The following KALRN variants were observed in gnomAD, a reference collection of about 807,000 sequenced individuals.
The protein encoded by KALRN is kalirin.
In KALRN, 70 loss-of-function variants were observed where a neutral mutation model predicts 353.7. That is an observed-to-expected ratio of 0.20 (90% confidence interval 0.16 to 0.24). The LOEUF is 0.24. Among genes scored for constraint, KALRN ranks in the 10% least tolerant of loss-of-function variants. KALRN has a pLI of 1.00. For missense variants in KALRN, 2,791 were observed against 3,756.7 expected, an observed-to-expected ratio of 0.74 and a Z score of 6.72; for synonymous variants, 1,391 against 1,434.8, an observed-to-expected ratio of 0.97 and a Z score of 0.69.
intron 33 of KALRN, among the ~76,000 whole-genome samples, chr3:124,497,478 C>T (rs1561143074): frequency 1.3e-5 from 2 of 152,066 alleles, no homozygotes; most frequent in Non-Finnish European, 2.9e-5. Context: ...CCATTGAGAC[C>T]TTAGTGTGGG....
intron 28 of KALRN, among the ~76,000 whole-genome samples, chr3:124,486,123 TGCTGTGGCTTTACAAA>T (rs756254190): frequency 3.3e-5 from 5 of 152,348 alleles, no homozygotes; most frequent in South Asian, 2.1e-4. Context: ...CATGTAAATC[TGCTGTGGCTTTACAAA>T]AGGATCCTAA....
intron 37 of KALRN, among the ~76,000 whole-genome samples, chr3:124,647,776 G>A (rs1026791123): frequency 6.6e-6 from 1 of 152,204 alleles, no homozygotes; most frequent in Non-Finnish European, 1.5e-5. Context: ...TGAAAGCCAT[G>A]CAGGGAGTAT....
intron 37 of KALRN, among the ~76,000 whole-genome samples, chr3:124,637,778 G>C (rs955341781): frequency 2.6e-5 from 4 of 152,196 alleles, no homozygotes; most frequent in African/African-American, 9.7e-5. Context: ...ATGGGCAAAA[G>C]TGTGTGGATA....
At chr3:124,716,529 A>G (rs374890589) in intron 58 of KALRN, among the ~76,000 whole-genome samples, 2 of 152,158 alleles carry the variant, frequency 1.3e-5, no homozygotes, top group African/African-American at 4.8e-5. Flanking sequence ...CTCAAAAACA[A>G]AACAAACAAA....
At chr3:124,446,011 T>C in intron 19 of KALRN, 150 bp from the exon 20 acceptor site, 1 of 558,502 alleles carries the variant, frequency 1.8e-6, no homozygotes, top group East Asian at 2.9e-5. Context: ...TATCCAGCTT[T>C]TGCTCCCTTT....
Position 124,644,067 on chromosome 3 carries a change from A to G in KALRN, c.5665-6741A>G, listed in dbSNP as rs142488445. Among the ~76,000 whole-genome samples the G allele has an allele frequency of 8.5e-5, 13 of 152,382 alleles. No individual in the cohort carries two copies. In the East Asian group the frequency reaches 2.5e-3, roughly 29 times the overall value. On this transcript the variant is annotated intron_variant, in intron 37 of 59. Transcript: ENST00000682506. Reference sequence around the variant, plus strand: ...TAATCCTCATGTAGATTAGGTCTCTAGACCTGTTCATGCTACAGATTTGCT... The same window carrying G: ...TAATCCTCATGTAGATTAGGTCTCTGGACCTGTTCATGCTACAGATTTGCT...
intron 1 of KALRN, among the ~76,000 whole-genome samples, chr3:124,196,724 A>C (rs2075475797): frequency 6.6e-6 from 1 of 152,170 alleles, no homozygotes; most frequent in Admixed American, 6.5e-5. Flanking sequence ...AACATCTTTC[A>C]ATGTTGTTAC....
intron 48 of KALRN, among the ~76,000 whole-genome samples, chr3:124,673,823 G>A (rs2086816419): frequency 6.6e-6 from 1 of 152,166 alleles, no homozygotes; most frequent in South Asian, 2.1e-4. Flanking sequence ...TTGGGTAAGG[G>A]TAGGTCATGG....
intron 1 of KALRN, among the ~76,000 whole-genome samples, chr3:124,065,468 G>A (rs1274033259): frequency 3.9e-5 from 6 of 152,250 alleles, no homozygotes; most frequent in East Asian, 1.9e-4. Flanking sequence ...TCATATTGTA[G>A]TATTTATGGG....
intron 33 of KALRN, chr3:124,518,437 G>A: frequency 6.2e-7 from 1 of 1,614,082 alleles, no homozygotes; most frequent in African/African-American, 1.3e-5. Context: ...CTGGGACCTG[G>A]AGATCCTTTC....
At position 124,317,381 on chromosome 3, in the gene KALRN, T is replaced by A. The variant is rs114032109; in HGVS notation, c.1093-8599T>A. 2.9e-3 allele frequency among the ~76,000 whole-genome samples: 449 copies of A among 152,250 alleles called. 5 individuals carry two copies. The highest frequency in any genetic ancestry group is 0.01 in the African/African-American group (431 of 41,550). ...AGAACCTTACCACCTCATCTGTAAA[T>A]AGGGGATAATGACAGTGACTTTGTC... On this transcript the variant is annotated intron_variant, in intron 6 of 59. Coordinates refer to ENST00000682506, the MANE Select transcript of KALRN (RefSeq NM_001388419.1).
chr3:124,347,014 C>A, intron 9 of KALRN, 129 bp from the exon 10 acceptor site: 1 of 1,377,592 alleles, frequency 7.3e-7, no homozygotes. Flanking sequence ...TTGACCATTT[C>A]CACCTGAACT....
At chr3:124,468,030 GAGA>G (rs1241887075) in intron 25 of KALRN, among the ~76,000 whole-genome samples, 2 of 150,948 alleles carry the variant, frequency 1.3e-5, no homozygotes, top group Admixed American at 6.6e-5. Context: ...AGGGGATGAG[GAGA>G]AGGAGATCGA....
chr3:124,039,859 C>T (rs1260483741), intron 1 of KALRN, among the ~76,000 whole-genome samples: 1 of 152,248 alleles, frequency 6.6e-6, no homozygotes, highest in South Asian at 2.1e-4. Context: ...TTCTTGATCT[C>T]CTCCACTTTC....
intron 36 of KALRN, among the ~76,000 whole-genome samples, chr3:124,636,358 C>CA (rs995036132): frequency 6.6e-6 from 1 of 152,106 alleles, no homozygotes. Flanking sequence ...AAAAGCCAAA[C>CA]AAAAAACCAC....
At chr3:124,581,376 G>A (rs2074611615) in intron 34 of KALRN, among the ~76,000 whole-genome samples, 3 of 139,116 alleles carry the variant, frequency 2.2e-5, no homozygotes, top group Admixed American at 7.4e-5. Flanking sequence ...CTGGGTGACA[G>A]AGTGAGACTC....
intron 1 of KALRN, among the ~76,000 whole-genome samples, chr3:124,133,267 A>C (rs2065520009): frequency 6.6e-6 from 1 of 152,214 alleles, no homozygotes; most frequent in African/African-American, 2.4e-5. Context: ...GGAAGAGGGA[A>C]TCAAATCTGG....
intron 26 of KALRN, 72 bp downstream of exon 26, chr3:124,474,804 T>G: frequency 8.5e-7 from 1 of 1,180,532 alleles, no homozygotes; most frequent in Non-Finnish European, 1.3e-6. Context: ...ACCTAAGGAC[T>G]GGAGTCATTG....
chr3:124,195,224 C>T (rs1011168534), intron 1 of KALRN, among the ~76,000 whole-genome samples: 1 of 152,154 alleles, frequency 6.6e-6, no homozygotes, highest in Non-Finnish European at 1.5e-5. Flanking sequence ...GTTAGCCAAG[C>T]TGATGGGGGC....
Sources: allele counts gnomAD v4.1 joint callset (sites outside exome capture counted in the v4.1 genomes callset), GRCh38; gene constraint gnomAD v4.1.1; transcripts MANE v1.5; gene names NCBI Gene and HGNC (gene_info 2026-07-23, HGNC 2026-07-21).